Variants in CD226 observed in about 807,000 individuals in gnomAD.
CD226 encodes the protein CD226 molecule.
In CD226, 24 loss-of-function variants were observed where a neutral mutation model predicts 34.9. The ratio of observed to expected loss-of-function variants is 0.69; its 90% confidence interval spans 0.50 to 0.97. The LOEUF (loss-of-function observed/expected upper bound fraction) is 0.97, where lower values mean the gene tolerates loss of function less well. Ranked by LOEUF, CD226 falls within the 50% of genes least tolerant of loss-of-function variation. The pLI, the probability that CD226 is intolerant of heterozygous loss-of-function variation, is 0.00. For synonymous variants in CD226, 148 were observed against 147.4 expected, an observed-to-expected ratio of 1.00 and a Z score of -0.03; for missense variants, 397 against 412.7, an observed-to-expected ratio of 0.96 and a Z score of 0.33.
chr18:69,921,933 C>T (rs1407337789), intron 2 of CD226, among the ~76,000 whole-genome samples: 1 of 151,896 alleles, frequency 6.6e-6, no homozygotes, highest in Non-Finnish European at 1.5e-5. Flanking sequence ...AAAACAAGCT[C>T]CCATTTTTGT....
chr18:69,874,269 C>G (rs531464658), intron 3 of CD226, among the ~76,000 whole-genome samples: 43 of 152,280 alleles, frequency 2.8e-4, no homozygotes, highest in African/African-American at 1.0e-3. Flanking sequence ...GAGAAATGTC[C>G]CCTCTGGAGT....
intron 2 of CD226, among the ~76,000 whole-genome samples, chr18:69,901,275 G>A (rs141139794): frequency 6.6e-6 from 1 of 152,328 alleles, no homozygotes; most frequent in East Asian, 1.9e-4. Context: ...GAAATGCAAA[G>A]TAGACACTTA....
intron 3 of CD226, among the ~76,000 whole-genome samples, chr18:69,880,549 T>C (rs1012542084): frequency 6.6e-6 from 1 of 151,844 alleles, no homozygotes; most frequent in African/African-American, 2.4e-5. Flanking sequence ...AGTAGAATGA[T>C]GGTTACCAGA....
At chr18:69,879,133 G>A (rs1984059628) in intron 3 of CD226, among the ~76,000 whole-genome samples, 1 of 152,174 alleles carries the variant, frequency 6.6e-6, no homozygotes, top group South Asian at 2.1e-4. Flanking sequence ...GGCAAATGGA[G>A]GCAGAGCGAG....
rs1429357185 is a variant in CD226 at position 69,855,291 on chromosome 18, T to C, written c.*9023A>G. The C allele has an allele frequency of 1.3e-5, 2 of 151,732 alleles. No individual in the cohort carries two copies. Among genetic ancestry groups the C allele is most frequent in the East Asian group, 3.9e-4 (2 of 5,168 alleles). The allele number at this position is 151,732 out of a possible 1,614,324, so 9.4% of individuals were successfully genotyped here. On this transcript the variant is annotated 3_prime_UTR_variant, in exon 6 of 6. Coordinates refer to ENST00000582621, the MANE Select transcript of CD226 (RefSeq NM_001303618.2). Reference sequence around the variant, plus strand: ...AAAAAAATAGACAACAGATGGATAATGTAAGAAGAAAGATGGAAACACTAA... The same window carrying C: ...AAAAAAATAGACAACAGATGGATAACGTAAGAAGAAAGATGGAAACACTAA...
intron 2 of CD226, among the ~76,000 whole-genome samples, chr18:69,904,240 C>T (rs554479310): frequency 6.6e-6 from 1 of 152,224 alleles, no homozygotes; most frequent in South Asian, 2.1e-4. Flanking sequence ...TAGATTCAGG[C>T]TGCGTGTCCT....
intron 2 of CD226, among the ~76,000 whole-genome samples, chr18:69,899,066 T>C (rs1278665509): frequency 1.3e-5 from 2 of 152,242 alleles, no homozygotes; most frequent in Non-Finnish European, 2.9e-5. Flanking sequence ...ATGATTTTTA[T>C]TGCAGGATAT....
intron 2 of CD226, among the ~76,000 whole-genome samples, chr18:69,909,987 A>G (rs930526863): frequency 2.6e-5 from 4 of 152,278 alleles, no homozygotes; most frequent in African/African-American, 7.2e-5. Context: ...GAAAAAAATT[A>G]TCAATGACAT....
chr18:69,890,421 A>G (rs967555327), intron 3 of CD226, among the ~76,000 whole-genome samples: 3 of 152,152 alleles, frequency 2.0e-5, no homozygotes, highest in Admixed American at 2.0e-4. Context: ...TACCAAAAAT[A>G]CAAAAATTAG....
chr18:69,903,041 A>ATAGAAAGG (rs1387290169), intron 2 of CD226, among the ~76,000 whole-genome samples: 1 of 152,222 alleles, frequency 6.6e-6, no homozygotes, highest in Non-Finnish European at 1.5e-5. Flanking sequence ...AGCAAAAGAA[A>ATAGAAAGG]TAGAAAGGCA....
In CD226 at chr18:69,853,409, T is replaced by C. The variant is rs1982528990; in HGVS notation, c.*10905A>G. 6.6e-6 allele frequency: 1 copy of C among 152,168 alleles called. No homozygotes were observed. Among genetic ancestry groups the C allele is most frequent in the African/African-American group, 2.4e-5 (1 of 41,440 alleles). The allele number at this position is 152,168 out of a possible 1,614,324, so 9.4% of individuals were successfully genotyped here. On this transcript the variant is annotated 3_prime_UTR_variant, in exon 6 of 6. Transcript: ENST00000582621. ...TCTGTTGTGTTCATCTTCCTTCCTATTGTGTTTTTTTCTCAGAAGCCTAAT... is the reference window on the plus strand; with the variant it reads ...TCTGTTGTGTTCATCTTCCTTCCTACTGTGTTTTTTTCTCAGAAGCCTAAT...
Position 69,892,402 on chromosome 18 carries a change from G to A in CD226, c.727+3299C>T, listed in dbSNP as rs374015770. Among the ~76,000 whole-genome samples, 12 of 152,328 alleles carry A rather than the reference G, an allele frequency of 7.9e-5. No individual in the cohort carries two copies. The East Asian group carries it at 1.7e-3, about 22-fold the overall frequency. The stretch of plus-strand genomic sequence containing the variant: ...AGGATGTTAAGGGCCAAAAATAACT[G>A]TAGTCACTGTCAATAAACAGACATT... On this transcript the variant is annotated intron_variant, in intron 3 of 5. Coordinates refer to ENST00000582621, the MANE Select transcript of CD226 (RefSeq NM_001303618.2).
intron 4 of CD226, among the ~76,000 whole-genome samples, chr18:69,872,488 C>T (rs1320478810): frequency 1.3e-5 from 2 of 152,052 alleles, no homozygotes; most frequent in Non-Finnish European, 2.9e-5. Context: ...TGGACTCAAG[C>T]AATCCTCCAG....
At chr18:69,874,199 C>G (rs1019485884) in intron 3 of CD226, among the ~76,000 whole-genome samples, 1 of 152,168 alleles carries the variant, frequency 6.6e-6, no homozygotes, top group East Asian at 1.9e-4. Context: ...CTAATTACAT[C>G]ACAGAATTGT....
At position 69,906,522 on chromosome 18, in the gene CD226, T is replaced by C. The variant is rs957158161; in HGVS notation, c.383-10477A>G. Among the ~76,000 whole-genome samples the C allele has an allele frequency of 1.9e-4, 29 of 152,074 alleles. 1 individual carries two copies. The highest frequency in any genetic ancestry group is 5.2e-4 in the Admixed American group (8 of 15,276). On this transcript the variant is annotated intron_variant, in intron 2 of 5. Transcript: ENST00000582621. ...CTTGCTCAGCGCTGCAAAAATCTCG[T>C]CAGGAATAGCAACAGGACTCAAAGA...
intron 2 of CD226, among the ~76,000 whole-genome samples, chr18:69,911,234 G>GCCTTCT (rs373232996): frequency 0.042 from 6,469 of 152,220 alleles, 489 homozygotes; most frequent in African/African-American, 0.15. Flanking sequence ...AGGCTTCAGT[G>GCCTTCT]GAACAGGTTT....
intron 4 of CD226, among the ~76,000 whole-genome samples, chr18:69,872,091 G>GT (rs1983567083): frequency 5.3e-5 from 5 of 93,702 alleles, no homozygotes; most frequent in African/African-American, 2.3e-4. Flanking sequence ...TGTGTGTGTG[G>GT]TGCATTTGGT....
intron 2 of CD226, among the ~76,000 whole-genome samples, chr18:69,902,979 T>C (rs113486080): frequency 1.4e-4 from 21 of 152,248 alleles, no homozygotes; most frequent in African/African-American, 4.6e-4. Flanking sequence ...GACTGCATGA[T>C]GACTAAGGAG....
chr18:69,906,707 T>C (rs1364850471), intron 2 of CD226, among the ~76,000 whole-genome samples: 1 of 152,198 alleles, frequency 6.6e-6, no homozygotes, highest in Non-Finnish European at 1.5e-5. Context: ...ACGTTCGTTG[T>C]AAGGGAAAAT....
Sources: allele counts gnomAD v4.1 joint callset (sites outside exome capture counted in the v4.1 genomes callset), GRCh38; gene constraint gnomAD v4.1.1; transcripts MANE v1.5; gene names NCBI Gene and HGNC (gene_info 2026-07-23, HGNC 2026-07-21).